The following DTNBP1 variants were observed in gnomAD, a reference collection of about 807,000 sequenced individuals.
The protein encoded by DTNBP1 is dysbindin.
In DTNBP1, 35 loss-of-function variants were observed where a neutral mutation model predicts 42.8. The observed-to-expected ratio is 0.82, with a 90% confidence interval of 0.63 to 1.09. The LOEUF (loss-of-function observed/expected upper bound fraction) is 1.09, where lower values mean the gene tolerates loss of function less well. Ranked by LOEUF, DTNBP1 falls within the 50% of genes least tolerant of loss-of-function variation. DTNBP1 has a pLI of 0.00. For missense variants in DTNBP1, 457 were observed against 424.2 expected (o/e 1.08, Z -0.68); for synonymous variants, 171 against 162.2 (o/e 1.05, Z -0.41).
At chr6:15,650,191 C>T (rs1172929204) in intron 3 of DTNBP1, among the ~76,000 whole-genome samples, 1 of 152,208 alleles carries the variant, frequency 6.6e-6, no homozygotes, top group Non-Finnish European at 1.5e-5. Context: ...CTCCCACATA[C>T]ATCTTTACCA....
chr6:15,618,875 C>T (rs1035428348), intron 5 of DTNBP1, among the ~76,000 whole-genome samples: 4 of 152,090 alleles, frequency 2.6e-5, no homozygotes, highest in Non-Finnish European at 4.4e-5. Flanking sequence ...TATATATAAA[C>T]GATGGAATAC....
intron 7 of DTNBP1, among the ~76,000 whole-genome samples, chr6:15,556,724 C>G (rs1474217100): frequency 6.6e-6 from 1 of 152,172 alleles, no homozygotes; most frequent in African/African-American, 2.4e-5. Flanking sequence ...CTCGCCTGCC[C>G]AGCCCCATTT....
At chr6:15,601,355 T>C (rs1419314136) in intron 6 of DTNBP1, among the ~76,000 whole-genome samples, 1 of 152,222 alleles carries the variant, frequency 6.6e-6, no homozygotes, top group African/African-American at 2.4e-5. Context: ...TCTTAAAAGT[T>C]CATTATGAGG....
rs527318465 is a variant in DTNBP1 at position 15,637,487 on chromosome 6, T to G, written c.222+257A>C. Among the ~76,000 whole-genome samples, 3 of 152,320 alleles carry G rather than the reference T, an allele frequency of 2.0e-5. No homozygotes were observed. The East Asian group carries it at 5.8e-4, about 29-fold the overall frequency. Reference sequence around the variant, plus strand: ...TCAGACTAAAATTCAGAGCATTATATCTACATAAAACAAGTATTTACCTGT... The same window carrying G: ...TCAGACTAAAATTCAGAGCATTATAGCTACATAAAACAAGTATTTACCTGT... On this transcript the variant is annotated intron_variant, in intron 4 of 9. Coordinates refer to ENST00000344537, the MANE Select transcript of DTNBP1 (RefSeq NM_032122.5).
At chr6:15,546,028 C>CTGGCTGAATA in intron 7 of DTNBP1, 1 of 447,952 alleles carries the variant, frequency 2.2e-6, no homozygotes, top group Non-Finnish European at 4.5e-6. Context: ...GAGGGTGGAG[C>CTGGCTGAATA]TGGCTGAATA....
At chr6:15,528,738 G>A (rs1311348307) in intron 8 of DTNBP1, among the ~76,000 whole-genome samples, 5 of 152,192 alleles carry the variant, frequency 3.3e-5, no homozygotes, top group Admixed American at 3.3e-4. Flanking sequence ...TGAAATGAAA[G>A]ACAGCCATGT....
At chr6:15,619,706 TTTAA>T (rs1467011185) in intron 5 of DTNBP1, among the ~76,000 whole-genome samples, 1 of 152,136 alleles carries the variant, frequency 6.6e-6, no homozygotes, top group African/African-American at 2.4e-5. Flanking sequence ...AGATTTTATT[TTTAA>T]TTAATCTTTG....
At chr6:15,584,529 A>C (rs1163157489) in intron 7 of DTNBP1, among the ~76,000 whole-genome samples, 1 of 151,960 alleles carries the variant, frequency 6.6e-6, no homozygotes. Context: ...CTGAGCTATC[A>C]TTTTACTTCT....
intron 8 of DTNBP1, among the ~76,000 whole-genome samples, chr6:15,526,399 C>T (rs527421362): frequency 9.8e-5 from 15 of 152,294 alleles, no homozygotes; most frequent in African/African-American, 2.6e-4. Context: ...CGTGAGATTG[C>T]GGCTTCATCT....
intron 1 of DTNBP1, among the ~76,000 whole-genome samples, chr6:15,658,867 T>C (rs1398755763): frequency 6.6e-6 from 1 of 152,244 alleles, no homozygotes; most frequent in Non-Finnish European, 1.5e-5. Flanking sequence ...GGGGAAAAGA[T>C]CTTTGAGTGA....
intron 7 of DTNBP1, among the ~76,000 whole-genome samples, chr6:15,559,784 A>G (rs1012857025): frequency 6.6e-6 from 1 of 152,204 alleles, no homozygotes; most frequent in Non-Finnish European, 1.5e-5. Context: ...ATTGGGCTAC[A>G]GAGTTTTGCC....
intron 8 of DTNBP1, among the ~76,000 whole-genome samples, chr6:15,530,201 G>A (rs922127949): frequency 6.6e-6 from 1 of 152,204 alleles, no homozygotes; most frequent in African/African-American, 2.4e-5. Flanking sequence ...ACTAATCCTT[G>A]GAGATGAAGA....
intron 7 of DTNBP1, among the ~76,000 whole-genome samples, chr6:15,542,219 A>C (rs1773607858): frequency 6.6e-6 from 1 of 152,210 alleles, no homozygotes. Flanking sequence ...GTAAGTCTCT[A>C]AACAATTTTC....
At chr6:15,616,458 G>A (rs554797813) in intron 5 of DTNBP1, among the ~76,000 whole-genome samples, 1 of 152,316 alleles carries the variant, frequency 6.6e-6, no homozygotes, top group Admixed American at 6.5e-5. Flanking sequence ...GGCATGAGGT[G>A]CCGAAGGAAC....
chr6:15,525,412 G>A (rs1772316725), intron 8 of DTNBP1, among the ~76,000 whole-genome samples: 2 of 152,228 alleles, frequency 1.3e-5, no homozygotes, highest in Admixed American at 1.3e-4. Flanking sequence ...TTTCTGGAAG[G>A]ACTCTCCCTT....
chr6:15,576,315 G>A (rs1181877972), intron 7 of DTNBP1, among the ~76,000 whole-genome samples: 1 of 151,878 alleles, frequency 6.6e-6, no homozygotes, highest in Admixed American at 6.6e-5. Context: ...TAGAGACAGG[G>A]TTTCACCATG....
At chr6:15,602,158 T>G (rs1054799579) in intron 6 of DTNBP1, among the ~76,000 whole-genome samples, 3 of 152,022 alleles carry the variant, frequency 2.0e-5, no homozygotes, top group Non-Finnish European at 2.9e-5. Context: ...ATAGTGCCAT[T>G]TTTTTTTCTG....
intron 7 of DTNBP1, among the ~76,000 whole-genome samples, chr6:15,567,412 C>T (rs1389467767): frequency 1.3e-5 from 2 of 152,056 alleles, no homozygotes; most frequent in Admixed American, 6.6e-5. Flanking sequence ...ATGATTGCAC[C>T]ACTGCACTTT....
intron 6 of DTNBP1, among the ~76,000 whole-genome samples, chr6:15,613,229 G>A (rs1456762669): frequency 2.6e-5 from 4 of 151,174 alleles, no homozygotes; most frequent in African/African-American, 9.7e-5. Context: ...CTTTAACCCA[G>A]GAGGCGGAGG....
Sources: allele counts gnomAD v4.1 joint callset (sites outside exome capture counted in the v4.1 genomes callset), GRCh38; gene constraint gnomAD v4.1.1; transcripts MANE v1.5; gene names NCBI Gene and HGNC (gene_info 2026-07-23, HGNC 2026-07-21).